FOXL2: variants seen among roughly 807,000 people sequenced by gnomAD.
FOXL2 encodes the protein forkhead box protein L2.
A neutral mutation model predicts 2.5 loss-of-function variants in FOXL2; 3 were observed. The ratio of observed to expected loss-of-function variants is 1.20; its 90% CI spans 0.55 to 3.11. The LOEUF is 3.11. FOXL2 is among the 30% of genes most tolerant of loss of function. FOXL2 has a pLI of 0.03. For synonymous variants in FOXL2, 315 were observed against 269.4 expected, an observed-to-expected ratio of 1.17 and a Z score of -1.66; for missense variants, 512 against 570.0, an observed-to-expected ratio of 0.90 and a Z score of 1.04.
rs1935923742 is a variant in FOXL2, at chr3:138,945,200, C to T, written c.*392G>A. 4.0e-6 allele frequency: 1 copy of T among 248,084 alleles called. No homozygotes were observed. The highest frequency in any genetic ancestry group is 2.2e-5 in the African/African-American group (1 of 46,058). The allele number at this position is 248,084 out of a possible 1,614,324, so 15.4% of individuals were successfully genotyped here. A position where few individuals can be genotyped will look rare whatever the true frequency, so the allele number is the denominator to read the frequency against. On this transcript the variant is annotated 3_prime_UTR_variant, in exon 1 of 1. Transcript: ENST00000648323. ...GAACGCGGAGAGCGAGCGCACCGAC[C>T]TGTGAGAGAAGGCCAAGAGGTCTGC... is the stretch of plus-strand genomic sequence containing the variant.
chr3:138,946,835 G>C lies in FOXL2; in HGVS notation c.-113C>G. The C allele has an allele frequency of 6.9e-7, 1 of 1,441,006 alleles. No homozygotes were observed. The allele number at this position is 1,441,006 out of a possible 1,614,324, so 89.3% of individuals were successfully genotyped here. A position where few individuals can be genotyped will look rare whatever the true frequency, so the allele number is the denominator to read the frequency against. On this transcript the variant is annotated 5_prime_UTR_variant, in exon 1 of 1. Transcript: ENST00000648323. The stretch of plus-strand genomic sequence containing the variant: ...TACGGCCAAGTCTCAAACTTCTGGA[G>C]ACTGCGGATGCCGCCCGCGCTTGCT...
chr3:138,946,929 G>GCTCA lies in FOXL2; in HGVS notation c.-211_-208dup. On this transcript the variant is annotated 5_prime_UTR_variant, in exon 1 of 1. Coordinates refer to ENST00000648323, the MANE Select transcript of FOXL2 (RefSeq NM_023067.4). ...CTAGGGAGCGGCCGGCGGGAGTGGA[G>GCTCA]CTCAGCCTCTGGCCATGGGGAGTCC... The GCTCA allele has an allele frequency of 1.3e-6, 1 of 747,602 alleles. No homozygotes were observed. The highest frequency in any genetic ancestry group is 2.1e-6 in the Non-Finnish European group (1 of 467,886). 46.3% of individuals were successfully genotyped at this position (747,602 alleles called of 1,614,324 possible). A position where few individuals can be genotyped will look rare whatever the true frequency, so the allele number is the denominator to read the frequency against.
chr3:138,945,614 A>C lies in FOXL2; in HGVS notation c.1109T>G (p.Leu370Arg). The change falls in exon 1 of 1, where the codon CTG becomes CGG. Residue 370 changes from leucine (L) to arginine (R), a missense_variant. Around this residue, in one of 5 missense-constraint regions of FOXL2, gnomAD observed 66 missense variants for 58.3 expected, o/e 1.13. Coordinates refer to ENST00000648323, the MANE Select transcript of FOXL2 (RefSeq NM_023067.4). ...CTCTCAGAGATCGAGGCGCGAATGC[A>C]GCGCGCCGGTCTTGCTGTCGTGGTC... Reference protein sequence around the residue: ...YWDHDSKTGALHSRLDL With the variant: ...YWDHDSKTGARHSRLDL 1.9e-6 allele frequency: 3 copies of C among 1,610,300 alleles called. No homozygotes were observed. Among genetic ancestry groups the C allele is most frequent in the Non-Finnish European group, 2.5e-6 (3 of 1,178,240 alleles).
rs1935913093 is a variant in FOXL2 at position 138,944,763 on chromosome 3, A to T, written c.*829T>A. On this transcript the variant is annotated 3_prime_UTR_variant, in exon 1 of 1. Coordinates refer to ENST00000648323, the MANE Select transcript of FOXL2 (RefSeq NM_023067.4). ...TTGATTTTCATATTTGGATTTAGCA[A>T]ACTCCAAGGCCACAATACTTCCCCG... The T allele has an allele frequency of 4.3e-6, 1 of 233,072 alleles. No individual in the cohort carries two copies. Among genetic ancestry groups the T allele is most frequent in the Admixed American group, 5.6e-5 (1 of 17,770 alleles). 14.4% of individuals were successfully genotyped at this position (233,072 alleles called of 1,614,324 possible). A position where few individuals can be genotyped will look rare whatever the true frequency, so the allele number is the denominator to read the frequency against.
At position 138,946,628 on chromosome 3, in the gene FOXL2, G is replaced by A. The variant is rs1185069674; in HGVS notation, c.95C>T (p.Pro32Leu). 1 of 1,597,824 alleles carries A rather than the reference G, an allele frequency of 6.3e-7. No homozygotes were observed. ...ACCCCCACCGCCCTTGCCTGGGCTC[G>A]GCGGCGGCCCTTCTGGCTCCTTGAC... ...RTVKEPEGPPPSPGKGGGGGG... is the reference protein window; with the variant it reads ...RTVKEPEGPPLSPGKGGGGGG... Residue 32 changes from proline (P) to leucine (L), a missense_variant, in exon 1 of 1, where the codon CCG (proline) becomes CTG (leucine). Pro to Leu is a moderately conservative substitution (Grantham distance 98). Around this residue, in one of 5 missense-constraint regions of FOXL2, gnomAD observed 92 missense variants for 77.8 expected, o/e 1.18. Transcript: ENST00000648323.
rs1213756045 is a variant in FOXL2 at position 138,946,680 on chromosome 3, G to A, written c.43C>T (p.Leu15=). 2 of 1,562,594 alleles carry A rather than the reference G, an allele frequency of 1.3e-6. No homozygotes were observed. Among genetic ancestry groups the A allele is most frequent in the Admixed American group, 1.9e-5 (1 of 52,652 alleles). ...GTGCGACCGGTCTCTGGGGCCAGCA[G>A]GGCCCCCGCCGCGTCCTCGGGCTCG... ...YPEPEDAAGA[L]LAPETGRTVK... is the part of the protein sequence containing the mutation. The change falls in exon 1 of 1, where the codon CTG becomes TTG. Residue 15 remains leucine, a synonymous_variant. Coordinates refer to ENST00000648323, the MANE Select transcript of FOXL2 (RefSeq NM_023067.4).
In FOXL2 at chr3:138,946,463, T is replaced by C; in HGVS notation, c.260A>G (p.Lys87Arg). 1 of 1,614,156 alleles carries C rather than the reference T, an allele frequency of 6.2e-7. No homozygotes were observed. Among genetic ancestry groups the C allele is most frequent in the Non-Finnish European group, 8.5e-7 (1 of 1,180,002 alleles). The stretch of plus-strand genomic sequence containing the variant: ...CTTATTCTTCTCGTAGAACGGGAAC[T>C]TCGCGATGATGTACTGGTAGATGCC... The part of the protein sequence containing the change: ...LSGIYQYIIA[K>R]FPFYEKNKKG... Residue 87 changes from lysine to arginine, a missense_variant, in exon 1 of 1, where the codon AAG (lysine) becomes AGG (arginine). Coordinates refer to ENST00000648323, the MANE Select transcript of FOXL2 (RefSeq NM_023067.4).
At position 138,945,235 on chromosome 3, in the gene FOXL2, G is replaced by GAAGGTGACTGTGTAGAT; in HGVS notation, c.*356_*357insATCTACACAGTCACCTT. On this transcript the variant is annotated 3_prime_UTR_variant, in exon 1 of 1. Transcript: ENST00000648323. The stretch of plus-strand genomic sequence containing the variant: ...AGGCCAAGAGGTCTGCGCTGCCGAC[G>GAAGGTGACTGTGTAGAT]CCCGGTCGCACCTCCGCCCCGGGCC... 3 of 253,836 alleles carry GAAGGTGACTGTGTAGAT rather than the reference G, an allele frequency of 1.2e-5. No individual in the cohort carries two copies. Among genetic ancestry groups the GAAGGTGACTGTGTAGAT allele is most frequent in the Admixed American group, 5.0e-5 (1 of 20,066 alleles). The allele number at this position is 253,836 out of a possible 1,614,324, so 15.7% of individuals were successfully genotyped here. A position where few individuals can be genotyped will look rare whatever the true frequency, so the allele number is the denominator to read the frequency against.
Position 138,946,080 on chromosome 3 carries a change from A to G in FOXL2, c.643T>C (p.Tyr215His). The G allele has an allele frequency of 6.9e-7, 1 of 1,443,844 alleles. No individual in the cohort carries two copies. The highest frequency in any genetic ancestry group is 2.4e-4 in the Middle Eastern group (1 of 4,246). 89.4% of individuals were successfully genotyped at this position (1,443,844 alleles called of 1,614,324 possible). A position where few individuals can be genotyped will look rare whatever the true frequency, so the allele number is the denominator to read the frequency against. Residue 215 changes from tyrosine to histidine, a missense_variant, in exon 1 of 1, where the codon TAT becomes CAT. By Grantham distance (83) the Tyr-to-His change is moderately conservative (BLOSUM62 2). Coordinates refer to ENST00000648323, the MANE Select transcript of FOXL2 (RefSeq NM_023067.4). ...GCTGCCGCCATCTGGCAGGAGGCATAGGGCATGGGTGAGGGAGGCTGCGGT... is the reference window on the plus strand; with the variant it reads ...GCTGCCGCCATCTGGCAGGAGGCATGGGGCATGGGTGAGGGAGGCTGCGGT... ...PLPQPPSPMPYASCQMAAAAA... is the reference protein window; with the variant it reads ...PLPQPPSPMPHASCQMAAAAA...
In FOXL2 at chr3:138,947,128, G is replaced by T; in HGVS notation, c.-406C>A. 1.9e-6 allele frequency: 1 copy of T among 531,504 alleles called. No individual in the cohort carries two copies. The allele number at this position is 531,504 out of a possible 1,614,324, so 32.9% of individuals were successfully genotyped here. A position where few individuals can be genotyped will look rare whatever the true frequency, so the allele number is the denominator to read the frequency against. On this transcript the variant is annotated 5_prime_UTR_variant, in exon 1 of 1. Coordinates refer to ENST00000648323, the MANE Select transcript of FOXL2 (RefSeq NM_023067.4). This position sits in a 1 kb window ranked among gnomAD's most constrained non-coding sequence, Gnocchi z 5.2. ...GAGTCCCTAGTGCGCCAGGAGCCTC[G>T]CTCTGTTCTGATTCGTATGGGCTCC...
Position 138,946,750 on chromosome 3 carries a change from C to G in FOXL2, c.-28G>C. 3 of 1,551,192 alleles carry G rather than the reference C, an allele frequency of 1.9e-6. No homozygotes were observed. Among genetic ancestry groups the G allele is most frequent in the Non-Finnish European group, 2.6e-6 (3 of 1,148,200 alleles). ...CAAAGCCGGCGCGCCGCGGCCGGGC[C>G]GCCTCTGCTCTCCGCTCCAGGCGCT... On this transcript the variant is annotated 5_prime_UTR_variant, in exon 1 of 1. Transcript: ENST00000648323.
At position 138,945,696 on chromosome 3, in the gene FOXL2, G is replaced by A; in HGVS notation, c.1027C>T (p.Leu343=). 6.4e-7 allele frequency: 1 copy of A among 1,555,606 alleles called. No homozygotes were observed. Residue 343 remains leucine, a synonymous_variant, in exon 1 of 1, where the codon CTG becomes TTG. Coordinates refer to ENST00000648323, the MANE Select transcript of FOXL2 (RefSeq NM_023067.4). ...PAPAPTSAPG[L]QFACARQPEL... is the part of the protein sequence containing the mutation. ...GGCTGCCGGGCACAAGCGAACTGCA[G>A]GCCCGGCGCACTGGTGGGCGCGGGC...
At position 138,945,724 on chromosome 3, in the gene FOXL2, C is replaced by CG. The variant is rs1559921797; in HGVS notation, c.998dup (p.Ala334GlyfsTer200). On this transcript the variant is annotated frameshift_variant, in exon 1 of 1. Transcript: ENST00000648323. LOFTEE classifies it high-confidence loss of function. ...CCGGCGCACTGGTGGGCGCGGGCGC[C>CG]GGGGGCGCGGCGGTGGCTGGGCTGG... The CG allele has an allele frequency of 6.9e-7, 1 of 1,448,360 alleles. No individual in the cohort carries two copies. The highest frequency in any genetic ancestry group is 9.2e-7 in the Non-Finnish European group (1 of 1,082,316). The allele number at this position is 1,448,360 out of a possible 1,614,324, so 89.7% of individuals were successfully genotyped here.
Position 138,945,671 on chromosome 3 carries a change from G to C in FOXL2, c.1052C>G (p.Pro351Arg). Residue 351 changes from proline to arginine, a missense_variant, in exon 1 of 1, where the codon CCC (proline) becomes CGC (arginine). By Grantham distance (103) the Pro-to-Arg change is moderately radical. Coordinates refer to ENST00000648323, the MANE Select transcript of FOXL2 (RefSeq NM_023067.4). ...AGAGCAATGCATCATGGCGAGCTCG[G>C]GCTGCCGGGCACAAGCGAACTGCAG... is the stretch of plus-strand genomic sequence containing the variant. ...PGLQFACARQ[P>R]ELAMMHCSYW... The C allele has an allele frequency of 1.9e-6, 3 of 1,588,514 alleles. No individual in the cohort carries two copies. Among genetic ancestry groups the C allele is most frequent in the South Asian group, 1.1e-5 (1 of 89,132 alleles).
chr3:138,946,920 G>T lies in FOXL2; in HGVS notation c.-198C>A. On this transcript the variant is annotated 5_prime_UTR_variant, in exon 1 of 1. Coordinates refer to ENST00000648323, the MANE Select transcript of FOXL2 (RefSeq NM_023067.4). ...CCCCTTCCCCTAGGGAGCGGCCGGC[G>T]GGAGTGGAGCTCAGCCTCTGGCCAT... The T allele has an allele frequency of 2.5e-6, 2 of 803,792 alleles. No individual in the cohort carries two copies. Among genetic ancestry groups the T allele is most frequent in the Non-Finnish European group, 3.9e-6 (2 of 518,194 alleles). The allele number at this position is 803,792 out of a possible 1,614,324, so 49.8% of individuals were successfully genotyped here.
At position 138,946,600 on chromosome 3, in the gene FOXL2, G is replaced by A. The variant is rs893313151; in HGVS notation, c.123C>T (p.Gly41=). The part of the protein sequence containing the change: ...PPSPGKGGGG[G]GGTAPEKPDP... ...CCGGCTTCTCCGGGGCTGTCCCGCC[G>A]CCACCCCCACCGCCCTTGCCTGGGC... Residue 41 remains glycine (G), a synonymous_variant, in exon 1 of 1, where the codon GGC becomes GGT. Transcript: ENST00000648323. 1.0e-5 allele frequency: 16 copies of A among 1,604,900 alleles called. No individual in the cohort carries two copies. Among genetic ancestry groups the A allele is most frequent in the Middle Eastern group, 1.7e-4 (1 of 5,906 alleles).
chr3:138,945,527 G>A lies in FOXL2; in HGVS notation c.*65C>T, dbSNP rs1426190120. 1.3e-6 allele frequency: 2 copies of A among 1,563,454 alleles called. No homozygotes were observed. Among genetic ancestry groups the A allele is most frequent in the African/African-American group, 1.4e-5 (1 of 73,868 alleles). On this transcript the variant is annotated 3_prime_UTR_variant, in exon 1 of 1. Coordinates refer to ENST00000648323, the MANE Select transcript of FOXL2 (RefSeq NM_023067.4). ...GGCTGGCGGCGGCGTCGTCGGCTGC[G>A]ACCGGGGCCGGCGTCGCGCGTCCCT... is the stretch of plus-strand genomic sequence containing the variant.
chr3:138,945,979 C>A lies in FOXL2; in HGVS notation c.744G>T (p.Leu248=). The A allele has an allele frequency of 7.1e-7, 1 of 1,405,914 alleles. No individual in the cohort carries two copies. The highest frequency in any genetic ancestry group is 2.9e-5 in the East Asian group (1 of 34,490). The allele number at this position is 1,405,914 out of a possible 1,614,324, so 87.1% of individuals were successfully genotyped here. The part of the protein sequence containing the change: ...SPGAAAVVKG[L]AGPAASYGPY... ...GCCCGTACGAGGCGGCCGGGCCCGCCAGCCCCTTGACCACAGCGGCCGCGC... is the reference window on the plus strand; with the variant it reads ...GCCCGTACGAGGCGGCCGGGCCCGCAAGCCCCTTGACCACAGCGGCCGCGC... Residue 248 remains leucine (L), a synonymous_variant, in exon 1 of 1, where the codon CTG becomes CTT. Transcript: ENST00000648323.
rs758686820 is a variant in FOXL2, at chr3:138,946,709, T to C, written c.14A>G (p.Tyr5Cys). The change falls in exon 1 of 1, where the codon TAC (tyrosine) becomes TGC (cysteine). Residue 5 changes from tyrosine to cysteine, a missense_variant. Transcript: ENST00000648323. Reference protein sequence around the residue: MMASYPEPEDAAGAL... With the variant: MMASCPEPEDAAGAL... ...CCCCGCCGCGTCCTCGGGCTCGGGGTAGCTGGCCATCATGACAAAGCCGGC... is the reference window on the plus strand; with the variant it reads ...CCCCGCCGCGTCCTCGGGCTCGGGGCAGCTGGCCATCATGACAAAGCCGGC... The C allele has an allele frequency of 3.8e-6, 6 of 1,580,662 alleles. No individual in the cohort carries two copies. In the South Asian group the frequency reaches 6.8e-5, roughly 18 times the overall value.
Sources: allele counts gnomAD v4.1 joint callset, GRCh38; gene constraint gnomAD v4.1.1; regional missense constraint gnomAD v4.1.1; non-coding constraint Gnocchi (gnomAD v3.1); transcripts MANE v1.5; gene names NCBI Gene and HGNC (gene_info 2026-07-23, HGNC 2026-07-21).